The following LTBP2 variants were observed in gnomAD, a reference collection of about 807,000 sequenced individuals.
The protein encoded by LTBP2 is latent-transforming growth factor beta-binding protein 2.
In LTBP2, 103 loss-of-function variants were observed where a neutral mutation model predicts 210.6. The ratio of observed to expected loss-of-function variants is 0.49; its 90% confidence interval spans 0.42 to 0.58. LTBP2 has a LOEUF of 0.58. Among genes scored for constraint, LTBP2 ranks in the 20% least tolerant of loss-of-function variants. The pLI, the probability that LTBP2 is intolerant of heterozygous loss-of-function variation, is 0.00. For synonymous variants in LTBP2, 1,007 were observed against 1,015.0 expected (o/e 0.99, Z 0.15); for missense variants, 2,313 against 2,494.5 (o/e 0.93, Z 1.55).
intron 18 of LTBP2, among the ~76,000 whole-genome samples, chr14:74,513,469 C>T (rs1464985044): frequency 6.6e-6 from 1 of 152,228 alleles, no homozygotes; most frequent in Admixed American, 6.5e-5. Context: ...GGCAGAGCCC[C>T]CAGCTGACCC....
In LTBP2 at chr14:74,503,854, C is replaced by T. The variant is rs1595237762; in HGVS notation, c.4582+72G>A. 7 of 1,597,780 alleles carry T rather than the reference C, an allele frequency of 4.4e-6. No homozygotes were observed. The East Asian group carries it at 1.6e-4, about 36-fold the overall frequency. ...GGACTCTCAGCAATAATGGGACTGG[C>T]TGGCAGGGGCTGGGTGGGCCATTAT... On this transcript the variant is annotated intron_variant, in intron 31 of 35. Coordinates refer to ENST00000261978, the MANE Select transcript of LTBP2 (RefSeq NM_000428.3).
intron 2 of LTBP2, among the ~76,000 whole-genome samples, chr14:74,592,501 T>A (rs1258763714): frequency 6.6e-6 from 1 of 151,172 alleles, no homozygotes; most frequent in East Asian, 1.9e-4. Flanking sequence ...CTTATACTTA[T>A]ATATTTTGTA....
intron 27 of LTBP2, 140 bp from the exon 28 acceptor site, chr14:74,506,331 A>G: frequency 8.7e-7 from 1 of 1,152,876 alleles, no homozygotes; most frequent in Non-Finnish European, 1.3e-6. Context: ...TGTAGGGAGG[A>G]GGAACCAATG....
In LTBP2 at chr14:74,499,875, C is replaced by T; in HGVS notation, c.*1009G>A. The T allele has an allele frequency of 4.3e-6, 1 of 231,102 alleles. No individual in the cohort carries two copies. The highest frequency in any genetic ancestry group is 8.6e-6 in the Non-Finnish European group (1 of 116,742). 14.3% of individuals were successfully genotyped at this position (231,102 alleles called of 1,614,324 possible). A position where few individuals can be genotyped will look rare whatever the true frequency, so the allele number is the denominator to read the frequency against. On this transcript the variant is annotated 3_prime_UTR_variant, in exon 36 of 36. Transcript: ENST00000261978. ...GCCATCGTTTTCTGAAGGGAAAGGG[C>T]AGGGGTTTCTGAGTGGAGGGGAAAA... is the stretch of plus-strand genomic sequence containing the variant.
intron 1 of LTBP2, 152 bp from the exon 2 acceptor site, chr14:74,603,857 T>A (rs1391103539): frequency 1.3e-5 from 9 of 715,826 alleles, no homozygotes; most frequent in Non-Finnish European, 2.3e-5. Flanking sequence ...AAATCTAAGA[T>A]TGAATCCTGA....
chr14:74,580,470 T>C (rs2088121394), intron 3 of LTBP2, among the ~76,000 whole-genome samples: 1 of 151,232 alleles, frequency 6.6e-6, no homozygotes, highest in Admixed American at 6.6e-5. Flanking sequence ...TGAGGCGGGG[T>C]CAAGGTCATG....
intron 11 of LTBP2, 53 bp downstream of exon 11, chr14:74,528,905 C>T: frequency 1.3e-6 from 2 of 1,596,222 alleles, no homozygotes. Flanking sequence ...GCAACATGGT[C>T]ACTGGCCTTG....
intron 19 of LTBP2, 80 bp from the exon 20 acceptor site, chr14:74,510,293 G>A (rs2087054347): frequency 6.3e-7 from 1 of 1,591,968 alleles, no homozygotes; most frequent in Non-Finnish European, 8.5e-7. Context: ...AAGCATCTCA[G>A]TTATGAGGCC....
At position 74,611,881 on chromosome 14, in the gene LTBP2, G is replaced by A. The variant is rs1319823423; in HGVS notation, c.64C>T (p.Leu22=). 1.9e-6 allele frequency: 3 copies of A among 1,607,956 alleles called. No individual in the cohort carries two copies. In the Admixed American group the frequency reaches 5.0e-5, roughly 27 times the overall value. The change falls in exon 1 of 36, where the codon CTG becomes TTG. Residue 22 remains leucine (L), a synonymous_variant. Transcript: ENST00000261978. ...ACGAAGAGAGCCAGGGTGAGCGGCA[G>A]GAAGCCTCTCCAGGGGTTCCGCAGG... The part of the protein sequence containing the change: ...RALRNPWRGF[L]PLTLALFVGA...
chr14:74,501,721 TA>T lies in LTBP2; in HGVS notation c.5171-132del, dbSNP rs1201919400. 18 of 1,138,068 alleles carry T rather than the reference TA, an allele frequency of 1.6e-5. No individual in the cohort carries two copies. The East Asian group carries it at 4.5e-4, about 28-fold the overall frequency. 70.5% of individuals were successfully genotyped at this position (1,138,068 alleles called of 1,614,324 possible). ...GTGGGGGTGGGGGCAGAGAGGATCA[TA>T]AAATTCTTGTGGAAAGATGCTAGAA... On this transcript the variant is annotated intron_variant, in intron 34 of 35. Coordinates refer to ENST00000261978, the MANE Select transcript of LTBP2 (RefSeq NM_000428.3).
chr14:74,590,030 A>T (rs2088260384), intron 2 of LTBP2, among the ~76,000 whole-genome samples: 1 of 152,178 alleles, frequency 6.6e-6, no homozygotes, highest in South Asian at 2.1e-4. Flanking sequence ...TCATACAACA[A>T]ATATATGAAA....
intron 17 of LTBP2, among the ~76,000 whole-genome samples, chr14:74,520,043 G>A (rs114065571): frequency 4.5e-4 from 69 of 152,338 alleles, no homozygotes; most frequent in African/African-American, 1.7e-3. Flanking sequence ...ATGCCTGTGA[G>A]ACAGTGTCCA....
intron 2 of LTBP2, among the ~76,000 whole-genome samples, chr14:74,590,329 C>G (rs189824651): frequency 1.1e-3 from 163 of 152,290 alleles, no homozygotes; most frequent in South Asian, 4.1e-3. Context: ...AAAAAGACAC[C>G]CGCACGTGTA....
At chr14:74,527,530 C>A (rs925820424) in intron 12 of LTBP2, among the ~76,000 whole-genome samples, 164 bp from the exon 13 acceptor site, 5 of 152,252 alleles carry the variant, frequency 3.3e-5, no homozygotes, top group African/African-American at 1.2e-4. Context: ...TGCCCCATCA[C>A]CCCTGTAGGG....
At chr14:74,507,858 T>G (rs2087010456) in intron 25 of LTBP2, 115 bp downstream of exon 25, 3 of 1,421,844 alleles carry the variant, frequency 2.1e-6, no homozygotes, top group African/African-American at 1.4e-5. Flanking sequence ...ACATACACTA[T>G]TTGTTGGACA....
chr14:74,547,104 C>T (rs889111002), intron 8 of LTBP2, among the ~76,000 whole-genome samples: 2 of 152,218 alleles, frequency 1.3e-5, no homozygotes, highest in African/African-American at 4.8e-5. Context: ...ACAGGCAGGC[C>T]CTGTGCTCCC....
In LTBP2 at chr14:74,549,998, C is replaced by A. The variant is rs759815641; in HGVS notation, c.1687-33G>T. ...GAGAGGCCATGGACACCTGTGACCA[C>A]CCCCCTTCCCTCCCAGGCTGTGCAC... On this transcript the variant is annotated intron_variant, in intron 7 of 35. Transcript: ENST00000261978. The A allele has an allele frequency of 6.7e-6, 9 of 1,339,992 alleles. No homozygotes were observed. In the Admixed American group the frequency reaches 1.0e-4, roughly 15 times the overall value. 83.0% of individuals were successfully genotyped at this position (1,339,992 alleles called of 1,614,324 possible).
intron 8 of LTBP2, among the ~76,000 whole-genome samples, chr14:74,538,534 TA>T (rs2087451887): frequency 6.6e-6 from 1 of 151,956 alleles, no homozygotes; most frequent in East Asian, 1.9e-4. Context: ...AATACATAAC[TA>T]AAAAATCCAG....
At chr14:74,610,930 C>T (rs1342749212) in intron 1 of LTBP2, among the ~76,000 whole-genome samples, 1 of 152,252 alleles carries the variant, frequency 6.6e-6, no homozygotes, top group Non-Finnish European at 1.5e-5. Flanking sequence ...GGCCGACCCA[C>T]GCCCCACGAC....
Sources: allele counts gnomAD v4.1 joint callset (sites outside exome capture counted in the v4.1 genomes callset), GRCh38; gene constraint gnomAD v4.1.1; transcripts MANE v1.5; gene names NCBI Gene and HGNC (gene_info 2026-07-23, HGNC 2026-07-21).